Variants in CHD9 observed in about 807,000 individuals in gnomAD.
CHD9 encodes the protein ATP-dependent chromatin remodeler CHD9.
In CHD9, 77 loss-of-function variants were observed where a neutral mutation model predicts 316.1. That is an observed-to-expected ratio of 0.24 (90% CI 0.20 to 0.29). CHD9 has a LOEUF of 0.29. CHD9 is among the 10% of genes least tolerant of loss of function. The pLI is 1.00. For synonymous variants in CHD9, 1,129 were observed against 1,158.3 expected (o/e 0.97, Z 0.51); for missense variants, 2,763 against 3,438.1 (o/e 0.80, Z 4.91).
At chr16:53,183,292 G>C (rs528281505) in intron 2 of CHD9, among the ~76,000 whole-genome samples, 3 of 152,134 alleles carry the variant, frequency 2.0e-5, no homozygotes, top group South Asian at 4.2e-4. Context: ...CAGGCCCATT[G>C]ACATTTTTTT....
intron 1 of CHD9, among the ~76,000 whole-genome samples, chr16:53,131,915 G>A (rs752781275): frequency 6.6e-5 from 10 of 152,168 alleles, no homozygotes; most frequent in Admixed American, 5.2e-4. Context: ...GCCCCCGTGT[G>A]TGCGGCCGCC....
At chr16:53,146,419 G>GTGTGTGTGTGTGTATATATATATA (rs1555492145) in intron 1 of CHD9, among the ~76,000 whole-genome samples, 1 of 76,704 alleles carries the variant, frequency 1.3e-5, no homozygotes, top group African/African-American at 5.9e-5. Context: ...GTGTGTGTAT[G>GTGTGTGTGTGTGTATATATATATA]TATATATATA....
intron 1 of CHD9, among the ~76,000 whole-genome samples, chr16:53,061,397 C>A (rs2152497374): frequency 6.6e-6 from 1 of 152,302 alleles, no homozygotes; most frequent in East Asian, 1.9e-4. Flanking sequence ...CACTGGGCAA[C>A]TCATTCCACT....
intron 1 of CHD9, among the ~76,000 whole-genome samples, chr16:53,125,750 T>C (rs1338289170): frequency 1.3e-5 from 2 of 152,230 alleles, no homozygotes; most frequent in African/African-American, 4.8e-5. Context: ...TGCCCAACTG[T>C]AGGCTACAGT....
chr16:53,313,059 TC>T (rs1721371400), intron 34 of CHD9, among the ~76,000 whole-genome samples: 2 of 152,214 alleles, frequency 1.3e-5, no homozygotes, highest in African/African-American at 4.8e-5. Context: ...TAATAAAATA[TC>T]TATTAGAAAA....
Position 53,222,644 on chromosome 16 carries a change from C to T in CHD9, c.1785C>T (p.Gly595=), listed in dbSNP as rs369964047. The T allele has an allele frequency of 4.2e-5, 58 of 1,383,038 alleles. 1 individual carries two copies. Among genetic ancestry groups the T allele is most frequent in the Admixed American group, 3.3e-4 (17 of 51,356 alleles). The allele number at this position is 1,383,038 out of a possible 1,614,324, so 85.7% of individuals were successfully genotyped here. Residue 595 remains glycine (G), a splice_region_variant and synonymous_variant, in exon 4 of 39, where the codon GGC becomes GGT. Transcript: ENST00000447540. ...CSKLKEKTKI[G]KLIITLGKKQ... is the part of the protein sequence containing the mutation. ...TTTTATTCTTTTCCTCTTGAAACAG[C>T]AAACTCATTATTACATTGGGTAAGA...
At chr16:53,063,267 G>T (rs1248540545) in intron 1 of CHD9, among the ~76,000 whole-genome samples, 1 of 151,638 alleles carries the variant, frequency 6.6e-6, no homozygotes, top group Non-Finnish European at 1.5e-5. Context: ...AAGTTATATA[G>T]CTAGGAAGTG....
At chr16:53,189,421 TTTTA>T (rs1392613763) in intron 2 of CHD9, among the ~76,000 whole-genome samples, 2 of 152,040 alleles carry the variant, frequency 1.3e-5, no homozygotes, top group Non-Finnish European at 2.9e-5. Flanking sequence ...CGCATTTAGT[TTTTA>T]TTTGTGATCA....
At chr16:53,242,480 A>T (rs1207810829) in intron 12 of CHD9, among the ~76,000 whole-genome samples, 1 of 152,168 alleles carries the variant, frequency 6.6e-6, no homozygotes, top group Non-Finnish European at 1.5e-5. Context: ...TTGTGAACTC[A>T]TTGGTGTAAG....
intron 11 of CHD9, 47 bp from the exon 12 acceptor site, chr16:53,238,296 G>GA (rs202099297): frequency 6.2e-5 from 92 of 1,484,794 alleles, no homozygotes; most frequent in Admixed American, 3.5e-4. Flanking sequence ...TTAAAGTATA[G>GA]AAAAAAAACC....
At chr16:53,143,849 A>G (rs1273701478) in intron 1 of CHD9, among the ~76,000 whole-genome samples, 1 of 152,150 alleles carries the variant, frequency 6.6e-6, no homozygotes, top group Non-Finnish European at 1.5e-5. Flanking sequence ...TGTTAAGGTC[A>G]TATTAGACTG....
rs1448869270 is a variant in CHD9 at position 53,122,594 on chromosome 16, G to T, written c.-164-33332G>T. On this transcript the variant is annotated intron_variant, in intron 1 of 38. Transcript: ENST00000447540. Reference sequence around the variant, plus strand: ...GAGTCTCACTCTGTGGCCCAGGCTGGAGTACAGTGGCACAATCTTGTCTCA... The same window carrying T: ...GAGTCTCACTCTGTGGCCCAGGCTGTAGTACAGTGGCACAATCTTGTCTCA... Among the ~76,000 whole-genome samples the T allele has an allele frequency of 8.7e-5, 13 of 150,090 alleles. 1 individual carries two copies. In the East Asian group the frequency reaches 9.9e-4, roughly 11 times the overall value.
chr16:53,132,735 G>A (rs1476790314), intron 1 of CHD9, among the ~76,000 whole-genome samples: 1 of 149,566 alleles, frequency 6.7e-6, no homozygotes, highest in Non-Finnish European at 1.5e-5. Context: ...TCTATTGCTC[G>A]AAGCAAGTTC....
intron 2 of CHD9, among the ~76,000 whole-genome samples, chr16:53,180,579 TC>T (rs889180556): frequency 4.6e-5 from 7 of 152,338 alleles, no homozygotes; most frequent in Admixed American, 1.3e-4. Flanking sequence ...TATTTAATTT[TC>T]AGCACTGTGG....
At chr16:53,209,392 C>G in intron 2 of CHD9, 90 bp from the exon 3 acceptor site, 1 of 966,442 alleles carries the variant, frequency 1.0e-6, no homozygotes, top group Non-Finnish European at 1.5e-6. Context: ...TTTTACCTCT[C>G]TAAACATAAT....
At chr16:53,321,372 C>T (rs1057181908) in intron 37 of CHD9, 154 bp from the exon 38 acceptor site, 12 of 983,288 alleles carry the variant, frequency 1.2e-5, no homozygotes, top group African/African-American at 7.0e-5. Context: ...CATAGGGTCA[C>T]GGTGGGCCTT....
chr16:53,318,392 A>T, intron 37 of CHD9, 52 bp downstream of exon 37: 1 of 1,418,984 alleles, frequency 7.0e-7, no homozygotes, highest in Non-Finnish European at 9.6e-7. Flanking sequence ...TATTTAAGAG[A>T]TCTCCAGAAC....
chr16:53,105,193 T>C (rs2152574664), intron 1 of CHD9, among the ~76,000 whole-genome samples: 1 of 152,264 alleles, frequency 6.6e-6, no homozygotes, highest in African/African-American at 2.4e-5. Flanking sequence ...ATTTGTTTGA[T>C]TCAAAATTCG....
intron 3 of CHD9, among the ~76,000 whole-genome samples, chr16:53,210,652 C>T (rs190374549): frequency 6.6e-6 from 1 of 152,028 alleles, no homozygotes; most frequent in African/African-American, 2.4e-5. Context: ...ATAAAGGGGT[C>T]AATCTAACTT....
Sources: gnomAD v4.1 joint callset for allele counts (sites outside exome capture counted in the v4.1 genomes callset) on GRCh38, gnomAD v4.1.1 for gene constraint, MANE v1.5 for transcripts, NCBI Gene and HGNC (gene_info 2026-07-23, HGNC 2026-07-21) for gene names.